HMGCLL1: variants seen among roughly 807,000 people sequenced by gnomAD.
The protein encoded by HMGCLL1 is 3-hydroxy-3-methylglutaryl-CoA lyase like 1, also known as 3-hydroxymethyl-3-methylglutaryl-CoA lyase, cytoplasmic.
Under a neutral mutation model 39.1 loss-of-function variants are expected in HMGCLL1, and 36 were observed. The ratio of observed to expected loss-of-function variants is 0.92; its 90% CI spans 0.71 to 1.22. HMGCLL1 has a LOEUF of 1.22. HMGCLL1 is among the 50% of genes most tolerant of loss of function. The pLI is 0.00. For synonymous variants in HMGCLL1, 149 were observed against 144.0 expected (o/e 1.03, Z -0.25); for missense variants, 451 against 416.5 (o/e 1.08, Z -0.72).
At chr6:55,613,474 A>G in the HMGCLL1 span, among the ~76,000 whole-genome samples, 2 of 152,180 alleles carry the variant, frequency 1.3e-5, no homozygotes, top group Admixed American at 6.5e-5. Context: ...AAATCATTCT[A>G]TTATAAAGAT....
chr6:55,646,197 G>A, the HMGCLL1 span, among the ~76,000 whole-genome samples: 3 of 151,774 alleles, frequency 2.0e-5, no homozygotes, highest in Non-Finnish European at 4.4e-5. Context: ...ACTCACAGTA[G>A]CCACTAATGA....
intron 3 of HMGCLL1, among the ~76,000 whole-genome samples, chr6:55,526,191 C>T (rs1049229212): frequency 3.3e-5 from 5 of 151,966 alleles, no homozygotes; most frequent in African/African-American, 1.2e-4. Context: ...GAAGTGCTCC[C>T]AGCTTGCCTT....
the HMGCLL1 span, among the ~76,000 whole-genome samples, chr6:55,635,061 A>G: frequency 6.6e-6 from 1 of 152,156 alleles, no homozygotes; most frequent in African/African-American, 2.4e-5. Context: ...GACTTAGACA[A>G]AACACTTAGA....
the HMGCLL1 span, among the ~76,000 whole-genome samples, chr6:55,677,974 C>A: frequency 6.6e-6 from 1 of 152,140 alleles, no homozygotes. Flanking sequence ...GATTACCTAA[C>A]CCCAGGCATT....
the HMGCLL1 span, among the ~76,000 whole-genome samples, chr6:55,649,194 G>A: frequency 5.9e-5 from 9 of 152,136 alleles, no homozygotes; most frequent in Admixed American, 4.6e-4. Context: ...ACCTTCAGAT[G>A]ATTTCGTCTC....
At chr6:55,602,718 C>T in the HMGCLL1 span, among the ~76,000 whole-genome samples, 4 of 151,868 alleles carry the variant, frequency 2.6e-5, no homozygotes, top group Admixed American at 6.6e-5. Context: ...AATACAGATG[C>T]GAGATGATCT....
At chr6:55,623,623 GATATATAC>G in the HMGCLL1 span, among the ~76,000 whole-genome samples, 1,448 of 150,144 alleles carry the variant, frequency 9.6e-3, 3 homozygotes, top group Non-Finnish European at 0.014. Context: ...GCCGAAGAGA[GATATATAC>G]ATATATACAT....
At chr6:55,522,051 C>T (rs1427658348) in intron 3 of HMGCLL1, among the ~76,000 whole-genome samples, 2 of 151,942 alleles carry the variant, frequency 1.3e-5, no homozygotes, top group Non-Finnish European at 2.9e-5. Flanking sequence ...GGCAGAAGAT[C>T]AAACCAGCCA....
At chr6:55,565,480 T>C (rs1423108922) in intron 1 of HMGCLL1, among the ~76,000 whole-genome samples, 2 of 152,144 alleles carry the variant, frequency 1.3e-5, no homozygotes, top group African/African-American at 4.8e-5. Flanking sequence ...TCCCATGTGA[T>C]GTAAGTTGCA....
At chr6:55,465,330 C>T (rs191423688) in intron 7 of HMGCLL1, among the ~76,000 whole-genome samples, 2 of 151,988 alleles carry the variant, frequency 1.3e-5, no homozygotes, top group African/African-American at 4.8e-5. Flanking sequence ...ACTTCACACA[C>T]CCAAAATCAG....
chr6:55,658,743 TA>T, the HMGCLL1 span, among the ~76,000 whole-genome samples: 6 of 151,936 alleles, frequency 3.9e-5, no homozygotes, highest in African/African-American at 1.4e-4. Context: ...AAATGATAAG[TA>T]AAAATAGACA....
chr6:55,550,195 T>C (rs534404103), intron 1 of HMGCLL1, among the ~76,000 whole-genome samples: 77 of 152,138 alleles, frequency 5.1e-4, no homozygotes, highest in South Asian at 8.3e-4. Flanking sequence ...AGGTGAAATC[T>C]ATACCTTTGG....
the HMGCLL1 span, among the ~76,000 whole-genome samples, chr6:55,633,554 A>C: frequency 6.6e-6 from 1 of 151,988 alleles, no homozygotes; most frequent in Admixed American, 6.6e-5. Context: ...AATTTTCTGC[A>C]TAACCATTTT....
intron 7 of HMGCLL1, among the ~76,000 whole-genome samples, chr6:55,471,337 T>C (rs1765037061): frequency 6.6e-6 from 1 of 151,696 alleles, no homozygotes; most frequent in Non-Finnish European, 1.5e-5. Flanking sequence ...AGGTGAAAAA[T>C]TGTTTCAGTT....
intron 5 of HMGCLL1, among the ~76,000 whole-genome samples, chr6:55,510,374 A>C (rs968460153): frequency 2.6e-5 from 4 of 151,922 alleles, no homozygotes; most frequent in African/African-American, 9.6e-5. Flanking sequence ...CACAATAGCA[A>C]AGACTTGGAA....
chr6:55,615,231 C>T, the HMGCLL1 span, among the ~76,000 whole-genome samples: 3 of 151,826 alleles, frequency 2.0e-5, no homozygotes, highest in African/African-American at 7.3e-5. Context: ...CCACTCACTC[C>T]TATAAAAATT....
intron 7 of HMGCLL1, among the ~76,000 whole-genome samples, chr6:55,458,099 A>C (rs1193295157): frequency 6.6e-6 from 1 of 152,220 alleles, no homozygotes; most frequent in Non-Finnish European, 1.5e-5. Flanking sequence ...ATTCCATTGA[A>C]AGTGTAATAC....
chr6:55,602,196 G>A, the HMGCLL1 span, among the ~76,000 whole-genome samples: 37 of 152,064 alleles, frequency 2.4e-4, no homozygotes, highest in African/African-American at 8.7e-4. Flanking sequence ...GAGTAGAGGT[G>A]GCATTCTATA....
At chr6:55,603,253 C>A in the HMGCLL1 span, among the ~76,000 whole-genome samples, 8 of 152,014 alleles carry the variant, frequency 5.3e-5, no homozygotes, top group Non-Finnish European at 8.8e-5. Context: ...AATATTTTAA[C>A]CTTTTCCTTA....
Sources: gnomAD v4.1 joint callset for allele counts (sites outside exome capture counted in the v4.1 genomes callset) on GRCh38, gnomAD v4.1.1 for gene constraint, MANE v1.5 for transcripts, NCBI Gene and HGNC (gene_info 2026-07-23, HGNC 2026-07-21) for gene names.